Variants in UNC13C observed in about 807,000 individuals in gnomAD.
The protein encoded by UNC13C is unc-13 homolog C.
Under a neutral mutation model 245.4 loss-of-function variants are expected in UNC13C, and 174 were observed. That is an observed-to-expected ratio of 0.71 (90% confidence interval 0.63 to 0.80). The LOEUF (loss-of-function observed/expected upper bound fraction) is 0.80, where lower values mean the gene tolerates loss of function less well. Among genes scored for constraint, UNC13C ranks in the 30% least tolerant of loss-of-function variants. UNC13C has a pLI of 0.00. For missense variants in UNC13C, 2,829 were observed against 2,602.9 expected, an observed-to-expected ratio of 1.09 and a Z score of -1.89; for synonymous variants, 992 against 895.1, an observed-to-expected ratio of 1.11 and a Z score of -1.93.
At chr15:54,088,227 T>TTA (rs1491045569) in intron 2 of UNC13C, among the ~76,000 whole-genome samples, 58 of 97,956 alleles carry the variant, frequency 5.9e-4, no homozygotes, top group African/African-American at 2.0e-3. Flanking sequence ...TTTTTTTTTT[T>TTA]ACCCCCTCAT....
At chr15:54,174,087 T>C (rs568281997) in intron 4 of UNC13C, among the ~76,000 whole-genome samples, 3 of 152,310 alleles carry the variant, frequency 2.0e-5, no homozygotes, top group South Asian at 4.1e-4. Flanking sequence ...TTGAATTTGC[T>C]AAATGCAACT....
At chr15:53,962,699 A>G in the UNC13C span, among the ~76,000 whole-genome samples, 1 of 152,320 alleles carries the variant, frequency 6.6e-6, no homozygotes, top group South Asian at 2.1e-4. Flanking sequence ...AAAAATGAAT[A>G]CTGCATTATT....
chr15:54,323,671 G>A (rs1299232511), intron 14 of UNC13C, among the ~76,000 whole-genome samples: 2 of 151,942 alleles, frequency 1.3e-5, no homozygotes, highest in South Asian at 2.1e-4. Flanking sequence ...ACCAAAGAAC[G>A]TTCCCTAGCC....
At chr15:54,593,407 C>T (rs1349408605) in intron 30 of UNC13C, among the ~76,000 whole-genome samples, 1 of 152,082 alleles carries the variant, frequency 6.6e-6, no homozygotes, top group Non-Finnish European at 1.5e-5. Flanking sequence ...AATATGTTTT[C>T]CAAGCTTTTA....
chr15:54,192,282 G>A (rs542340364), intron 4 of UNC13C, among the ~76,000 whole-genome samples: 8 of 151,912 alleles, frequency 5.3e-5, no homozygotes, highest in African/African-American at 1.2e-4. Flanking sequence ...CTTTGTTTTT[G>A]TAGTCTTTGT....
chr15:53,894,086 TA>T, the UNC13C span, among the ~76,000 whole-genome samples: 1 of 152,154 alleles, frequency 6.6e-6, no homozygotes, highest in African/African-American at 2.4e-5. Flanking sequence ...TTCCCTTGGA[TA>T]GGGGAGAAAA....
Position 54,250,269 on chromosome 15 carries a change from T to C in UNC13C, c.3273T>C (p.Pro1091=). 1 of 1,613,970 alleles carries C rather than the reference T, an allele frequency of 6.2e-7. No individual in the cohort carries two copies. The highest frequency in any genetic ancestry group is 1.7e-5 in the Admixed American group (1 of 60,024). The stretch of plus-strand genomic sequence containing the variant: ...AGACCTTGCAGGCACTGATCTACCC[T>C]ATGTCTTCTACCATCCCACACAATT... ...FKKTLQALIY[P]MSSTIPHNFE... Residue 1091 remains proline, a synonymous_variant, in exon 8 of 33, where the codon CCT becomes CCC. Transcript: ENST00000260323.
chr15:53,935,439 A>G, the UNC13C span, among the ~76,000 whole-genome samples: 14 of 152,340 alleles, frequency 9.2e-5, no homozygotes, highest in East Asian at 1.9e-3. Context: ...AATCACAAAG[A>G]AATGTATAGA....
At chr15:54,556,154 GAA>G (rs1391143501) in intron 29 of UNC13C, among the ~76,000 whole-genome samples, 1 of 151,912 alleles carries the variant, frequency 6.6e-6, no homozygotes, top group Non-Finnish European at 1.5e-5. Context: ...ATTTATATGT[GAA>G]AGTTTATTAA....
At chr15:54,099,938 T>C (rs1311466440) in intron 2 of UNC13C, among the ~76,000 whole-genome samples, 1 of 151,610 alleles carries the variant, frequency 6.6e-6, no homozygotes, top group Non-Finnish European at 1.5e-5. Context: ...CCACTAAATA[T>C]ATAATACAAA....
At chr15:54,098,357 T>C (rs1386284776) in intron 2 of UNC13C, among the ~76,000 whole-genome samples, 1 of 152,068 alleles carries the variant, frequency 6.6e-6, no homozygotes, top group Non-Finnish European at 1.5e-5. Flanking sequence ...GTATTTTTAG[T>C]AGAGACGAGG....
intron 18 of UNC13C, among the ~76,000 whole-genome samples, chr15:54,409,271 A>T (rs2040369632): frequency 6.6e-6 from 1 of 151,258 alleles, no homozygotes; most frequent in African/African-American, 2.4e-5. Flanking sequence ...TGTTAATAAT[A>T]TGTTCCTTTT....
At chr15:54,385,271 A>G (rs930085674) in intron 17 of UNC13C, among the ~76,000 whole-genome samples, 3 of 152,172 alleles carry the variant, frequency 2.0e-5, no homozygotes. Context: ...CTTCGGTACT[A>G]TGGAAAGATA....
intron 2 of UNC13C, among the ~76,000 whole-genome samples, chr15:54,100,794 G>A (rs920381043): frequency 2.0e-5 from 3 of 151,582 alleles, no homozygotes; most frequent in African/African-American, 7.3e-5. Flanking sequence ...CCTAATCCAT[G>A]CCATCATCTC....
chr15:53,940,904 A>G, the UNC13C span, among the ~76,000 whole-genome samples: 33 of 152,354 alleles, frequency 2.2e-4, no homozygotes, highest in Admixed American at 7.2e-4. Context: ...TAATTTATCA[A>G]TGCTATTCCT....
the UNC13C span, among the ~76,000 whole-genome samples, chr15:53,949,647 CCAAA>C: frequency 6.6e-6 from 1 of 152,006 alleles, no homozygotes; most frequent in Admixed American, 6.6e-5. Flanking sequence ...GAGATGAATC[CCAAA>C]CAGAGGACCT....
At chr15:54,503,882 A>G (rs1335500653) in intron 22 of UNC13C, among the ~76,000 whole-genome samples, 2 of 152,172 alleles carry the variant, frequency 1.3e-5, no homozygotes, top group Non-Finnish European at 2.9e-5. Context: ...TATGGGATTT[A>G]TATTGATTTA....
At chr15:54,241,836 AG>A (rs2035860149) in intron 7 of UNC13C, among the ~76,000 whole-genome samples, 1 of 152,110 alleles carries the variant, frequency 6.6e-6, no homozygotes, top group Non-Finnish European at 1.5e-5. Context: ...TTTGCACCTG[AG>A]GGTAATTTTC....
intron 30 of UNC13C, among the ~76,000 whole-genome samples, chr15:54,602,997 T>A (rs1485740678): frequency 8.8e-6 from 1 of 113,172 alleles, no homozygotes; most frequent in Non-Finnish European, 1.9e-5. Context: ...TGGGGAGATT[T>A]CACAAAGGCT....
Sources: gnomAD v4.1 joint callset for allele counts (sites outside exome capture counted in the v4.1 genomes callset) on GRCh38, gnomAD v4.1.1 for gene constraint, MANE v1.5 for transcripts, NCBI Gene and HGNC (gene_info 2026-07-23, HGNC 2026-07-21) for gene names.